DCT: variants seen among roughly 807,000 people sequenced by gnomAD.
The protein encoded by DCT is L-dopachrome tautomerase.
Under a neutral mutation model 53.0 loss-of-function variants are expected in DCT, and 47 were observed. That is an observed-to-expected ratio of 0.89 (90% CI 0.70 to 1.13). The LOEUF (loss-of-function observed/expected upper bound fraction) is 1.13, where lower values mean the gene tolerates loss of function less well. Among genes scored for constraint, DCT ranks in the 50% most tolerant of loss-of-function variants. DCT has a pLI of 0.00. For missense variants in DCT, 669 were observed against 637.4 expected, an observed-to-expected ratio of 1.05 and a Z score of -0.53; for synonymous variants, 244 against 237.0, an observed-to-expected ratio of 1.03 and a Z score of -0.27.
upstream of DCT, among the ~76,000 whole-genome samples, chr13:94,482,301 C>G (rs980117570): frequency 1.8e-4 from 28 of 152,122 alleles, no homozygotes; most frequent in Non-Finnish European, 1.6e-4. Context: ...CCTCGCCTGC[C>G]TCTCAATCTC....
At chr13:94,486,240 TC>T in the DCT span, among the ~76,000 whole-genome samples, 1 of 152,180 alleles carries the variant, frequency 6.6e-6, no homozygotes, top group Non-Finnish European at 1.5e-5. Context: ...ATCTCTTATC[TC>T]CTACTCCATG....
chr13:94,466,512 A>C, intron 3 of DCT, 46 bp downstream of exon 3: 1 of 1,289,698 alleles, frequency 7.8e-7, no homozygotes, highest in Non-Finnish European at 1.1e-6. Context: ...ATATACAATA[A>C]ATTTTTTAAA....
At chr13:94,495,894 A>C in the DCT span, among the ~76,000 whole-genome samples, 1 of 152,188 alleles carries the variant, frequency 6.6e-6, no homozygotes, top group Non-Finnish European at 1.5e-5. Context: ...AGAATTCATG[A>C]AGGGATGGCT....
Position 94,468,740 on chromosome 13 carries a change from A to C in DCT, c.595+6T>G, listed in dbSNP as rs201499586. The C allele has an allele frequency of 1.2e-5, 20 of 1,609,842 alleles. No homozygotes were observed. Among genetic ancestry groups the C allele is most frequent in the Middle Eastern group, 1.6e-4 (1 of 6,070 alleles). On this transcript the variant is annotated splice_donor_region_variant and intron_variant, in intron 2 of 7. Transcript: ENST00000377028. Reference sequence around the variant, plus strand: ...TAATATACCTTCAGCCAAGGAAAAAACCCACCTAATAATGTATCTCTAACA... The same window carrying C: ...TAATATACCTTCAGCCAAGGAAAAACCCCACCTAATAATGTATCTCTAACA...
intron 6 of DCT, among the ~76,000 whole-genome samples, chr13:94,447,781 G>A (rs1216017989): frequency 1.3e-5 from 2 of 152,142 alleles, no homozygotes; most frequent in East Asian, 3.9e-4. Flanking sequence ...AGTGCTGTAA[G>A]AGGCAAATAA....
At chr13:94,475,411 A>T (rs1310998526) in intron 1 of DCT, among the ~76,000 whole-genome samples, 1 of 152,234 alleles carries the variant, frequency 6.6e-6, no homozygotes, top group Non-Finnish European at 1.5e-5. Flanking sequence ...CATTTGTGCT[A>T]AGTGAAATAA....
rs544544650 is a variant in DCT, at chr13:94,464,333, G to A, written c.863+1300C>T. On this transcript the variant is annotated intron_variant, in intron 4 of 7. Transcript: ENST00000377028. ...GACCTGGGACGAAAGACAGAGCAGT[G>A]GGGTTAAAAACATGGGGATTTTGAG... Among the ~76,000 whole-genome samples, 7 of 152,296 alleles carry A rather than the reference G, an allele frequency of 4.6e-5. No individual in the cohort carries two copies. In the South Asian group the frequency reaches 1.4e-3, roughly 32 times the overall value.
chr13:94,463,032 C>A (rs1025155179), intron 4 of DCT, among the ~76,000 whole-genome samples: 1 of 152,230 alleles, frequency 6.6e-6, no homozygotes, highest in Admixed American at 6.5e-5. Context: ...AAGTGCTCAG[C>A]ATGGGCTGAG....
At chr13:94,497,930 G>A in the DCT span, among the ~76,000 whole-genome samples, 1 of 152,176 alleles carries the variant, frequency 6.6e-6, no homozygotes. Flanking sequence ...TACTGGTTCA[G>A]TTTCCCTGGA....
the DCT span, among the ~76,000 whole-genome samples, chr13:94,499,297 A>T: frequency 2.6e-5 from 4 of 152,176 alleles, no homozygotes; most frequent in Admixed American, 6.5e-5. Flanking sequence ...TTCATTTTTG[A>T]AGGCAGTGAG....
chr13:94,457,922 A>G (rs1883516065), intron 6 of DCT, among the ~76,000 whole-genome samples: 1 of 152,178 alleles, frequency 6.6e-6, no homozygotes, highest in Non-Finnish European at 1.5e-5. Context: ...GCTATCAACG[A>G]GGACTTGATG....
Position 94,468,776 on chromosome 13 carries a change from G to A in DCT, c.565C>T (p.His189Tyr), listed in dbSNP as rs767647880. ...CSVYDFFVWLHYYSVRDTLLG... is the reference protein window; with the variant it reads ...CSVYDFFVWLYYYSVRDTLLG... Reference sequence around the variant, plus strand: ...AATGTATCTCTAACAGAATAATAATGGAGCCACACAAAAAAATCATAAACA... The same window carrying A: ...AATGTATCTCTAACAGAATAATAATAGAGCCACACAAAAAAATCATAAACA... Residue 189 changes from histidine to tyrosine, a missense_variant, in exon 2 of 8, where the codon CAT becomes TAT. By Grantham distance (83) the His-to-Tyr change is moderately conservative. Coordinates refer to ENST00000377028, the MANE Select transcript of DCT (RefSeq NM_001922.5). The A allele has an allele frequency of 6.2e-7, 1 of 1,614,122 alleles. No individual in the cohort carries two copies. Among genetic ancestry groups the A allele is most frequent in the South Asian group, 1.1e-5 (1 of 91,084 alleles).
the DCT span, among the ~76,000 whole-genome samples, chr13:94,515,758 C>T: frequency 6.6e-6 from 1 of 152,186 alleles, no homozygotes; most frequent in Non-Finnish European, 1.5e-5. Flanking sequence ...GCCACTGCAG[C>T]TGTCTACACT....
In DCT at chr13:94,453,099, T is replaced by C. The variant is rs189032493; in HGVS notation, c.1179+6992A>G. On this transcript the variant is annotated intron_variant, in intron 6 of 7. Transcript: ENST00000377028. ...AGTGATAATGGGATATTATACATAATAGGTGCCTTATAGAGATGGTCCTCT... is the reference window on the plus strand; with the variant it reads ...AGTGATAATGGGATATTATACATAACAGGTGCCTTATAGAGATGGTCCTCT... Among the ~76,000 whole-genome samples, 161 of 152,280 alleles carry C rather than the reference T, an allele frequency of 1.1e-3. 4 individuals are homozygous for C. The highest frequency in any genetic ancestry group is 0.011 in the Admixed American group (161 of 15,300).
chr13:94,547,708 G>T, the DCT span, among the ~76,000 whole-genome samples: 2 of 151,744 alleles, frequency 1.3e-5, no homozygotes, highest in Admixed American at 1.3e-4. Context: ...AAGAAATCTT[G>T]GCTGGGCACA....
At chr13:94,476,685 A>G (rs1163263916) in intron 1 of DCT, among the ~76,000 whole-genome samples, 1 of 152,128 alleles carries the variant, frequency 6.6e-6, no homozygotes, top group Non-Finnish European at 1.5e-5. Flanking sequence ...CATGTTGGCT[A>G]GGCTGGTGTT....
chr13:94,438,626 C>T lies in DCT; in HGVS notation c.*1272G>A, dbSNP rs1566787848. The T allele has an allele frequency of 6.6e-6, 3 of 455,930 alleles. No homozygotes were observed. The highest frequency in any genetic ancestry group is 1.3e-5 in the Non-Finnish European group (3 of 226,750). 28.2% of individuals were successfully genotyped at this position (455,930 alleles called of 1,614,324 possible). ...CTGATGCACAGAAACCAGATATGAG[C>T]AGATGAAATTTGCCTGGAAATCTCA... On this transcript the variant is annotated 3_prime_UTR_variant, in exon 8 of 8. Transcript: ENST00000377028.
chr13:94,544,968 TG>T, the DCT span, among the ~76,000 whole-genome samples: 1 of 152,134 alleles, frequency 6.6e-6, no homozygotes, highest in Non-Finnish European at 1.5e-5. Context: ...AAATGTTTAA[TG>T]ATGATGGTGT....
the DCT span, among the ~76,000 whole-genome samples, chr13:94,527,939 C>T: frequency 8.5e-5 from 13 of 152,082 alleles, no homozygotes; most frequent in Non-Finnish European, 7.3e-5. Flanking sequence ...TAGAGAAGAC[C>T]GTAAATGACC....
Sources: allele counts gnomAD v4.1 joint callset (sites outside exome capture counted in the v4.1 genomes callset), GRCh38; gene constraint gnomAD v4.1.1; transcripts MANE v1.5; gene names NCBI Gene and HGNC (gene_info 2026-07-23, HGNC 2026-07-21).